Variants in TEDC1 observed in about 807,000 individuals in gnomAD.
TEDC1 encodes the protein tubulin epsilon and delta complex 1, also known as tubulin epsilon and delta complex protein 1.
TEDC1 carries 54 observed loss-of-function variants against 59.9 expected under a neutral mutation model. The observed-to-expected ratio is 0.90, with a 90% CI of 0.72 to 1.13. The LOEUF is 1.13. Ranked by LOEUF, TEDC1 falls within the 50% of genes most tolerant of loss-of-function variation. The pLI, the probability that TEDC1 is intolerant of heterozygous loss-of-function variation, is 0.00. For synonymous variants in TEDC1, 353 were observed against 298.1 expected (o/e 1.18, Z -1.90); for missense variants, 734 against 683.4 (o/e 1.07, Z -0.83).
upstream of TEDC1, chr14:105,490,984 T>G (rs2084192105): frequency 2.6e-6 from 4 of 1,524,650 alleles, no homozygotes; most frequent in African/African-American, 2.8e-5. Flanking sequence ...TCAACAGCCC[T>G]GCCAGGAGCC....
rs587642516 is a variant in TEDC1, at chr14:105,491,999, C to G, written c.227-108C>G. On this transcript the variant is annotated intron_variant, in intron 2 of 8. Transcript: ENST00000392523. ...CTCTCCCACTATCATCTCTTCTGAA[C>G]TAGGCCTTGAGCTTCTGCTCAAGTG... 4.8e-4 allele frequency: 566 copies of G among 1,182,760 alleles called. 2 individuals are homozygous for G. The highest frequency in any genetic ancestry group is 1.3e-4 in the Non-Finnish European group (105 of 832,928). The allele number at this position is 1,182,760 out of a possible 1,614,324, so 73.3% of individuals were successfully genotyped here. A position where few individuals can be genotyped will look rare whatever the true frequency, so the allele number is the denominator to read the frequency against.
Position 105,498,984 on chromosome 14 carries a change from T to C in TEDC1, c.*38T>C. On this transcript the variant is annotated 3_prime_UTR_variant, in exon 9 of 9. Coordinates refer to ENST00000392523, the MANE Select transcript of TEDC1 (RefSeq NM_001367178.1). ...GGGCCCTCGTGTGGGAAGCCTGCCC[T>C]GGCCCAGCCTGGCTGGGTCTTGGAG... The C allele has an allele frequency of 1.3e-6, 2 of 1,546,100 alleles. No individual in the cohort carries two copies. Among genetic ancestry groups the C allele is most frequent in the Non-Finnish European group, 1.7e-6 (2 of 1,145,886 alleles).
intron 6 of TEDC1, 53 bp downstream of exon 6, chr14:105,496,139 T>TGGGGGGGGGGGGGGGGG: frequency 3.1e-5 from 1 of 32,262 alleles, no homozygotes; most frequent in Non-Finnish European, 5.1e-5. Flanking sequence ...TGGGGGTGGG[T>TGGGGGGGGGGGGGGGGG]GGGAGGGGGT....
chr14:105,496,146 G>GGGGGGGGGGGCCCCCC, intron 6 of TEDC1, 60 bp downstream of exon 6: 1 of 331,608 alleles, frequency 3.0e-6, no homozygotes. Flanking sequence ...GGGTGGGAGG[G>GGGGGGGGGGGCCCCCC]GGTGGCGAGG....
chr14:105,497,526 CA>C, intron 7 of TEDC1, 83 bp downstream of exon 7: 1 of 1,467,088 alleles, frequency 6.8e-7, no homozygotes, highest in Admixed American at 2.1e-5. Context: ...TCCTGTTTTC[CA>C]GACAGGAAGA....
chr14:105,496,467 C>G (rs899204139), intron 6 of TEDC1: 25 of 220,648 alleles, frequency 1.1e-4, no homozygotes, highest in Admixed American at 9.0e-4. Flanking sequence ...ATCTGCCCCC[C>G]AGCCCACTGC....
intron 4 of TEDC1, among the ~76,000 whole-genome samples, 175 bp downstream of exon 4, chr14:105,492,909 G>A (rs587667774): frequency 1.3e-5 from 2 of 152,254 alleles, no homozygotes; most frequent in South Asian, 4.1e-4. Flanking sequence ...TCCTTGTAGG[G>A]GGCAGGGCTG....
intron 5 of TEDC1, chr14:105,494,340 G>C (rs1555440107): frequency 3.7e-6 from 1 of 272,224 alleles, no homozygotes; most frequent in African/African-American, 2.3e-5. Flanking sequence ...GCCCACACTG[G>C]GTGAAGGGTT....
At chr14:105,493,345 C>T (rs782364098) in intron 4 of TEDC1, among the ~76,000 whole-genome samples, 8 of 152,158 alleles carry the variant, frequency 5.3e-5, no homozygotes, top group South Asian at 4.1e-4. Context: ...CCTCTCACCC[C>T]GTCGGGCCTG....
At chr14:105,491,739 G>A (rs1436568374) in intron 2 of TEDC1, 39 bp downstream of exon 2, 21 of 1,525,176 alleles carry the variant, frequency 1.4e-5, no homozygotes, top group Non-Finnish European at 1.8e-5. Flanking sequence ...CGGTAGCACT[G>A]GCCCCGCCTA....
intron 4 of TEDC1, among the ~76,000 whole-genome samples, chr14:105,492,985 G>A (rs2084251553): frequency 1.3e-5 from 2 of 152,148 alleles, no homozygotes; most frequent in East Asian, 3.9e-4. Flanking sequence ...CACAGAATTT[G>A]CCTTTCTGTT....
upstream of TEDC1, chr14:105,490,868 G>C: frequency 1.3e-6 from 1 of 754,002 alleles, no homozygotes; most frequent in Non-Finnish European, 2.2e-6. Context: ...CGGTTGCTAG[G>C]TTGCCAAGGG....
At chr14:105,491,164 T>C (rs1184026357), upstream of TEDC1, 4 of 1,549,918 alleles carry the variant, frequency 2.6e-6, no homozygotes, top group African/African-American at 5.5e-5. Context: ...GGTACAGGTC[T>C]CGGCCAGCGC....
chr14:105,490,879 G>A (rs2084189951), upstream of TEDC1: 4 of 819,068 alleles, frequency 4.9e-6, no homozygotes, highest in Non-Finnish European at 7.9e-6. Flanking sequence ...TTGCCAAGGG[G>A]CGTGAGGCGC....
In TEDC1 at chr14:105,492,292, G is replaced by A. The variant is rs2084233448; in HGVS notation, c.412G>A (p.Glu138Lys). Residue 138 changes from glutamate to lysine, a missense_variant, in exon 3 of 9, where the codon GAG becomes AAG. Coordinates refer to ENST00000392523, the MANE Select transcript of TEDC1 (RefSeq NM_001367178.1). ...LAQARVPLGD[E>K]MTVCQCEALA... ...CCAGGCCCGAGTGCCTCTGGGTGAC[G>A]AGATGACTGTGTGCCAGGTGCGTGT... 2.5e-6 allele frequency: 4 copies of A among 1,605,414 alleles called. No individual in the cohort carries two copies. Among genetic ancestry groups the A allele is most frequent in the South Asian group, 1.1e-5 (1 of 91,028 alleles).
In TEDC1 at chr14:105,493,851, G is replaced by C. The variant is rs59080216; in HGVS notation, c.602G>C (p.Arg201Pro). ...ALLSKIHLYT[R>P]GCHSDQSLSH... is the part of the protein sequence containing the mutation. ...CTGTTTTAGATCCACCTGTACACAC[G>C]CGGCTGCCACAGCGACCAGAGCCTT... is the stretch of plus-strand genomic sequence containing the variant. The change falls in exon 5 of 9, where the codon CGC becomes CCC. Residue 201 changes from arginine to proline, a missense_variant. Physicochemically the swap from Arg to Pro is moderately radical, Grantham distance 103 (BLOSUM62 -2). Transcript: ENST00000392523. The C allele has an allele frequency of 6.2e-7, 1 of 1,607,224 alleles. No individual in the cohort carries two copies. Among genetic ancestry groups the C allele is most frequent in the African/African-American group, 1.3e-5 (1 of 74,884 alleles).
intron 3 of TEDC1, 115 bp downstream of exon 3, chr14:105,492,424 G>C: frequency 1.3e-6 from 2 of 1,511,180 alleles, no homozygotes; most frequent in East Asian, 2.3e-5. Flanking sequence ...GCAGTCCCAT[G>C]AAGGGTTACC....
chr14:105,491,568 C>T lies in TEDC1; in HGVS notation c.147+46C>T, dbSNP rs1257939937. 6 of 1,543,454 alleles carry T rather than the reference C, an allele frequency of 3.9e-6. No individual in the cohort carries two copies. The African/African-American group carries it at 8.2e-5, about 21-fold the overall frequency. On this transcript the variant is annotated intron_variant, in intron 1 of 8. Coordinates refer to ENST00000392523, the MANE Select transcript of TEDC1 (RefSeq NM_001367178.1). ...AGGCGGGCCGGGTGGGGTCCCGGGC[C>T]CTCGCAGGGAGTTGGGCCGGCTCCG...
chr14:105,493,349 G>A (rs1303837558), intron 4 of TEDC1, among the ~76,000 whole-genome samples: 11 of 151,000 alleles, frequency 7.3e-5, no homozygotes, highest in South Asian at 6.4e-4. Context: ...TCACCCCGTC[G>A]GGCCTGGCCT....
Sources: allele counts gnomAD v4.1 joint callset (sites outside exome capture counted in the v4.1 genomes callset), GRCh38; gene constraint gnomAD v4.1.1; transcripts MANE v1.5; gene names NCBI Gene and HGNC (gene_info 2026-07-23, HGNC 2026-07-21).